The following PCDH18 variants were observed in gnomAD, a reference collection of about 807,000 sequenced individuals.
The protein encoded by PCDH18 is protocadherin 18.
Under a neutral mutation model 71.5 loss-of-function variants are expected in PCDH18, and 38 were observed. The ratio of observed to expected loss-of-function variants is 0.53; its 90% CI spans 0.41 to 0.70. PCDH18 has a LOEUF of 0.70. PCDH18 is among the 30% of genes least tolerant of loss of function. PCDH18 has a pLI of 0.00. For synonymous variants in PCDH18, 565 were observed against 505.4 expected (o/e 1.12, Z -1.58); for missense variants, 1,334 against 1,384.6 (o/e 0.96, Z 0.58).
rs1731721895 is a variant in PCDH18 at position 137,531,886 on chromosome 4, G to T, written c.203C>A (p.Ala68Asp). 2.5e-6 allele frequency: 4 copies of T among 1,613,720 alleles called. No homozygotes were observed. The highest frequency in any genetic ancestry group is 1.3e-5 in the African/African-American group (1 of 74,880). The change falls in exon 1 of 4, where the codon GCC becomes GAC. Residue 68 changes from alanine to aspartate, a missense_variant. Ala to Asp is a moderately radical substitution (Grantham distance 126, BLOSUM62 -2). Transcript: ENST00000344876. ...LPNPSTVRFRAMQRGNSPLLV... is the reference protein window; with the variant it reads ...LPNPSTVRFRDMQRGNSPLLV... ...TAGAGGAGAATTTCCCCTCTGCATG[G>T]CTCGAAATCGAACAGTAGAAGGATT...
In PCDH18 at chr4:137,529,938, C is replaced by A. The variant is rs1309393718; in HGVS notation, c.2151G>T (p.Met717Ile). Reference sequence around the variant, plus strand: ...GGTTACACCTAGTTGCAAATAGCACCATAATAACCAGCAACACTGCACAAA... The same window carrying A: ...GGTTACACCTAGTTGCAAATAGCACAATAATAACCAGCAACACTGCACAAA... ...GAICAVLLVI[M>I]VLFATRCNRE... The change falls in exon 1 of 4, where the codon ATG (methionine) becomes ATT (isoleucine). Residue 717 changes from methionine to isoleucine, a missense_variant. Met to Ile is a conservative substitution (Grantham distance 10, BLOSUM62 1). Around this residue, in one of 3 missense-constraint regions of PCDH18, gnomAD observed 1,011 missense variants for 1,048.0 expected, o/e 0.96. Transcript: ENST00000344876. The A allele has an allele frequency of 6.2e-7, 1 of 1,613,706 alleles. No individual in the cohort carries two copies. Among genetic ancestry groups the A allele is most frequent in the Admixed American group, 1.7e-5 (1 of 59,954 alleles).
At position 137,532,109 on chromosome 4, in the gene PCDH18, C is replaced by T; in HGVS notation, c.-21G>A. On this transcript the variant is annotated 5_prime_UTR_variant, in exon 1 of 4. Transcript: ENST00000344876. Reference sequence around the variant, plus strand: ...TGCATTGGTCAGTTTATGAGATTTCCCTCACAGAGCAAGTTAAAACAGCAA... The same window carrying T: ...TGCATTGGTCAGTTTATGAGATTTCTCTCACAGAGCAAGTTAAAACAGCAA... 6.3e-7 allele frequency: 1 copy of T among 1,582,782 alleles called. No homozygotes were observed. Among genetic ancestry groups the T allele is most frequent in the Non-Finnish European group, 8.7e-7 (1 of 1,154,134 alleles).
chr4:137,532,044 TG>T lies in PCDH18; in HGVS notation c.44del (p.Ala15AspfsTer3). The T allele has an allele frequency of 6.2e-7, 1 of 1,612,448 alleles. No individual in the cohort carries two copies. The highest frequency in any genetic ancestry group is 1.1e-5 in the South Asian group (1 of 90,876). On this transcript the variant is annotated frameshift_variant, in exon 1 of 4. Coordinates refer to ENST00000344876, the MANE Select transcript of PCDH18 (RefSeq NM_019035.5). LOFTEE classifies it high-confidence loss of function. ...NAKMHFRFVF[A>X]LLIVSFNHDV... ...CGTGGTTGAAAGATACTATCAGAAG[TG>T]CAAAAACAAACCTAAAGTGCATTTT... is the stretch of plus-strand genomic sequence containing the variant.
chr4:137,526,497 T>C (rs774275748), intron 3 of PCDH18, among the ~76,000 whole-genome samples: 6 of 152,142 alleles, frequency 3.9e-5, no homozygotes, highest in Non-Finnish European at 5.9e-5. Flanking sequence ...AAACTGATTC[T>C]CTTTGAGCAA....
chr4:137,522,184 T>C (rs548073402), intron 3 of PCDH18, among the ~76,000 whole-genome samples: 3 of 152,336 alleles, frequency 2.0e-5, no homozygotes, highest in African/African-American at 7.2e-5. Flanking sequence ...ATTATACTTA[T>C]TAATCTCTCT....
chr4:137,530,915 T>C lies in PCDH18; in HGVS notation c.1174A>G (p.Asn392Asp). ...TGAAGCTTACAAACTATTTCTCCAT[T>C]CAGCCCAGAATCCTTGTCCTGAACT... ...VRVQDKDSGL[N>D]GEIVCKLHGH... The change falls in exon 1 of 4, where the codon AAT becomes GAT. Residue 392 changes from asparagine to aspartate, a missense_variant. By Grantham distance (23) the Asn-to-Asp change is conservative. Transcript: ENST00000344876. 1 of 1,613,344 alleles carries C rather than the reference T, an allele frequency of 6.2e-7. No homozygotes were observed. The highest frequency in any genetic ancestry group is 8.5e-7 in the Non-Finnish European group (1 of 1,179,562).
At chr4:137,529,057 A>T in intron 1 of PCDH18, 1 of 484,118 alleles carries the variant, frequency 2.1e-6, no homozygotes, top group East Asian at 3.1e-5. Flanking sequence ...ACTTTGTGAA[A>T]GAAGACTCCC....
At position 137,519,316 on chromosome 4, in the gene PCDH18, C is replaced by T. The variant is rs112901634; in HGVS notation, c.*1713G>A. On this transcript the variant is annotated 3_prime_UTR_variant, in exon 4 of 4. Coordinates refer to ENST00000344876, the MANE Select transcript of PCDH18 (RefSeq NM_019035.5). ...CAATTCCTGACTAGCAAGCCAGGGA[C>T]GATAATATTCTTGCCTCCTGGAAAC... 5.3e-4 allele frequency: 80 copies of T among 152,238 alleles called. 1 individual carries two copies. Among genetic ancestry groups the T allele is most frequent in the African/African-American group, 1.5e-3 (64 of 41,552 alleles). The allele number at this position is 152,238 out of a possible 1,614,324, so 9.4% of individuals were successfully genotyped here.
rs929721114 is a variant in PCDH18 at position 137,519,277 on chromosome 4, C to A, written c.*1752G>T. ...TTTTAGTCACTTTTCAGTTACTTAA[C>A]TTTCCCAGTGTTTCAATTCCTGACT... On this transcript the variant is annotated 3_prime_UTR_variant, in exon 4 of 4. Transcript: ENST00000344876. 5.9e-5 allele frequency: 9 copies of A among 152,158 alleles called. No individual in the cohort carries two copies. The highest frequency in any genetic ancestry group is 5.9e-4 in the Admixed American group (9 of 15,266). The allele number at this position is 152,158 out of a possible 1,614,324, so 9.4% of individuals were successfully genotyped here.
At chr4:137,523,105 A>C (rs1245419986) in intron 3 of PCDH18, among the ~76,000 whole-genome samples, 9 of 152,168 alleles carry the variant, frequency 5.9e-5, no homozygotes, top group Non-Finnish European at 1.3e-4. Flanking sequence ...AGTGAGAAAA[A>C]AGCTGAATCA....
At chr4:137,528,871 TCA>T (rs1731557988) in intron 1 of PCDH18, 51 bp from the exon 2 acceptor site, 3 of 1,215,940 alleles carry the variant, frequency 2.5e-6, no homozygotes, top group Non-Finnish European at 2.4e-6. Flanking sequence ...CTCCAAACAC[TCA>T]CAATCTTTAA....
chr4:137,532,465 C>G lies in PCDH18; in HGVS notation c.-377G>C, dbSNP rs954444447. ...TAGCTGCTCGGCTGCAGACTAAACA[C>G]CCGTGATTGCTGACTCCAGTCTAAA... is the stretch of plus-strand genomic sequence containing the variant. On this transcript the variant is annotated 5_prime_UTR_variant, in exon 1 of 4. Transcript: ENST00000344876. The G allele has an allele frequency of 1.6e-6, 1 of 634,950 alleles. No individual in the cohort carries two copies. The highest frequency in any genetic ancestry group is 1.8e-5 in the African/African-American group (1 of 54,890). 39.3% of individuals were successfully genotyped at this position (634,950 alleles called of 1,614,324 possible).
intron 3 of PCDH18, among the ~76,000 whole-genome samples, chr4:137,527,434 T>C (rs1348935092): frequency 6.6e-6 from 1 of 152,220 alleles, no homozygotes; most frequent in Non-Finnish European, 1.5e-5. Context: ...TTAATCCAAA[T>C]ACTTTCAATT....
rs1018587436 is a variant in PCDH18, at chr4:137,529,587, G to C, written c.2487+15C>G. On this transcript the variant is annotated intron_variant, in intron 1 of 3. Coordinates refer to ENST00000344876, the MANE Select transcript of PCDH18 (RefSeq NM_019035.5). ...ACCTAACATTGCAATGAATTGATGCGGTTTATGATCTTACCTCAACAGCAG... is the reference window on the plus strand; with the variant it reads ...ACCTAACATTGCAATGAATTGATGCCGTTTATGATCTTACCTCAACAGCAG... The C allele has an allele frequency of 1.3e-6, 2 of 1,537,008 alleles. No homozygotes were observed. Among genetic ancestry groups the C allele is most frequent in the Non-Finnish European group, 8.9e-7 (1 of 1,128,022 alleles).
chr4:137,530,664 T>C lies in PCDH18; in HGVS notation c.1425A>G (p.Ser475=). ...FQRSRYEFVI[S]ENNSPGAYIT... Reference sequence around the variant, plus strand: ...TATATGCCCCTGGTGAGTTATTTTCTGAAATTACAAATTCATATCGGCTTC... The same window carrying C: ...TATATGCCCCTGGTGAGTTATTTTCCGAAATTACAAATTCATATCGGCTTC... The change falls in exon 1 of 4, where the codon TCA becomes TCG. Residue 475 remains serine, a synonymous_variant. Coordinates refer to ENST00000344876, the MANE Select transcript of PCDH18 (RefSeq NM_019035.5). 1 of 1,613,154 alleles carries C rather than the reference T, an allele frequency of 6.2e-7. No homozygotes were observed. Among genetic ancestry groups the C allele is most frequent in the East Asian group, 2.2e-5 (1 of 44,870 alleles).
chr4:137,520,872 G>A lies in PCDH18; in HGVS notation c.*157C>T. ...ATTAAAATAATCACACTTGCATTGTGTACATACGAAAATACAGTATTTAAT... is the reference window on the plus strand; with the variant it reads ...ATTAAAATAATCACACTTGCATTGTATACATACGAAAATACAGTATTTAAT... On this transcript the variant is annotated 3_prime_UTR_variant, in exon 4 of 4. Transcript: ENST00000344876. The A allele has an allele frequency of 1.8e-6, 1 of 561,028 alleles. No homozygotes were observed. Among genetic ancestry groups the A allele is most frequent in the South Asian group, 2.7e-5 (1 of 36,410 alleles). The allele number at this position is 561,028 out of a possible 1,614,324, so 34.8% of individuals were successfully genotyped here. A position where few individuals can be genotyped will look rare whatever the true frequency, so the allele number is the denominator to read the frequency against.
At chr4:137,525,416 T>A (rs1208708892) in intron 3 of PCDH18, among the ~76,000 whole-genome samples, 1 of 152,124 alleles carries the variant, frequency 6.6e-6, no homozygotes, top group Non-Finnish European at 1.5e-5. Flanking sequence ...ACTGTGCTGA[T>A]CTCTTTTAAT....
Position 137,521,578 on chromosome 4 carries a change from T to G in PCDH18, c.2859A>C (p.Glu953Asp). Residue 953 changes from glutamate (E) to aspartate (D), a missense_variant, in exon 4 of 4, where the codon GAA (glutamate) becomes GAC (aspartate). Glu to Asp is a conservative substitution (Grantham distance 45). Transcript: ENST00000344876. ...GCTGCTGCTGGGGTTGCGTTGGGAA[T>G]TCTTCCCCTGGAATGAACATGTTAC... is the stretch of plus-strand genomic sequence containing the variant. Reference protein sequence around the residue: ...YRSNMFIPGEEFPTQPQQQHP... With the variant: ...YRSNMFIPGEDFPTQPQQQHP... The G allele has an allele frequency of 6.2e-7, 1 of 1,614,048 alleles. No homozygotes were observed. The highest frequency in any genetic ancestry group is 8.5e-7 in the Non-Finnish European group (1 of 1,180,032).
Position 137,530,916 on chromosome 4 carries a change from C to T in PCDH18, c.1173G>A (p.Leu391=), listed in dbSNP as rs1397269659. ...GAAGCTTACAAACTATTTCTCCATTCAGCCCAGAATCCTTGTCCTGAACTC... is the reference window on the plus strand; with the variant it reads ...GAAGCTTACAAACTATTTCTCCATTTAGCCCAGAATCCTTGTCCTGAACTC... ...LVRVQDKDSG[L]NGEIVCKLHG... The change falls in exon 1 of 4, where the codon CTG becomes CTA. Residue 391 remains leucine, a synonymous_variant. Coordinates refer to ENST00000344876, the MANE Select transcript of PCDH18 (RefSeq NM_019035.5). 5 of 1,613,306 alleles carry T rather than the reference C, an allele frequency of 3.1e-6. No individual in the cohort carries two copies. Among genetic ancestry groups the T allele is most frequent in the Non-Finnish European group, 4.2e-6 (5 of 1,179,490 alleles).
Sources: gnomAD v4.1 joint callset for allele counts (sites outside exome capture counted in the v4.1 genomes callset) on GRCh38, gnomAD v4.1.1 for gene constraint, gnomAD v4.1.1 regional missense constraint, MANE v1.5 for transcripts, NCBI Gene and HGNC (gene_info 2026-07-23, HGNC 2026-07-21) for gene names.